ISL2: variants seen among roughly 807,000 people sequenced by gnomAD.
The protein encoded by ISL2 is ISL LIM homeobox 2, also known as insulin gene enhancer protein ISL-2.
In ISL2, 17 loss-of-function variants were observed where a neutral mutation model predicts 34.6. The ratio of observed to expected loss-of-function variants is 0.49; its 90% CI spans 0.34 to 0.74. ISL2 has a LOEUF of 0.74. ISL2 is among the 30% of genes least tolerant of loss of function. The pLI is 0.01. For missense variants in ISL2, 469 were observed against 515.2 expected (o/e 0.91, Z 0.87); for synonymous variants, 232 against 225.5 (o/e 1.03, Z -0.26).
At chr15:76,340,845 CTGGTGGGTTG>C (rs2040188002) in intron 4 of ISL2, among the ~76,000 whole-genome samples, 2 of 152,248 alleles carry the variant, frequency 1.3e-5, no homozygotes, top group Admixed American at 6.5e-5. Flanking sequence ...GCCAGTCGGG[CTGGTGGGTTG>C]TGCACTCCGT....
In ISL2 at chr15:76,337,083, GT is replaced by G. The variant is rs2040156215; in HGVS notation, c.58+143del. 8.2e-6 allele frequency: 6 copies of G among 729,910 alleles called. No individual in the cohort carries two copies. In the Admixed American group the frequency reaches 1.3e-4, roughly 16 times the overall value. 45.2% of individuals were successfully genotyped at this position (729,910 alleles called of 1,614,324 possible). On this transcript the variant is annotated intron_variant, in intron 1 of 5. Transcript: ENST00000290759. ...TTTAGGAGAGGAAAAACGAATGCAT[GT>G]CTCCTGCAGGACTGCTTATCTTTGG... is the stretch of plus-strand genomic sequence containing the variant.
intron 1 of ISL2, 127 bp downstream of exon 1, chr15:76,337,068 G>A: frequency 2.4e-6 from 2 of 825,402 alleles, no homozygotes; most frequent in South Asian, 1.5e-5. Flanking sequence ...TTTAGGAGAG[G>A]AAAAACGAAT....
At chr15:76,341,402 G>A (rs1222878619) in intron 5 of ISL2, 101 bp downstream of exon 5, 8 of 1,188,412 alleles carry the variant, frequency 6.7e-6, no homozygotes, top group African/African-American at 1.5e-5. Flanking sequence ...TGGGCTGAGG[G>A]GCTGGGTACA....
At chr15:76,338,579 C>A (rs2040170482) in intron 3 of ISL2, 65 bp downstream of exon 3, 4 of 1,265,240 alleles carry the variant, frequency 3.2e-6, no homozygotes, top group South Asian at 3.2e-5. Flanking sequence ...TGTAGGGGTA[C>A]GCTTGTGTCC....
intron 3 of ISL2, chr15:76,339,330 G>A: frequency 1.0e-6 from 1 of 984,074 alleles, no homozygotes. Context: ...TGGGCTGGAT[G>A]GGCTATTTGT....
intron 1 of ISL2, 29 bp from the exon 2 acceptor site, chr15:76,337,749 T>C: frequency 6.5e-7 from 1 of 1,535,618 alleles, no homozygotes; most frequent in Non-Finnish European, 8.8e-7. Context: ...CAGTCAGGCC[T>C]GACGCGGCCC....
intron 3 of ISL2, chr15:76,339,792 C>T (rs1386263291): frequency 1.0e-6 from 1 of 994,272 alleles, no homozygotes; most frequent in East Asian, 1.1e-4. Context: ...AGGGGAAGGG[C>T]CCTCGTAGGC....
intron 3 of ISL2, chr15:76,339,638 A>T: frequency 1.0e-6 from 1 of 985,572 alleles, no homozygotes; most frequent in Non-Finnish European, 1.2e-6. Context: ...TGGGCTGGGG[A>T]ACCTGGAGCC....
rs143659536 is a variant in ISL2, at chr15:76,340,059, G to A, written c.512-217G>A. On this transcript the variant is annotated intron_variant, in intron 3 of 5. Coordinates refer to ENST00000290759, the MANE Select transcript of ISL2 (RefSeq NM_145805.3). Reference sequence around the variant, plus strand: ...GCTTGAGCTCGGGAGAGATCGCTGCGGGGCAGTCCGGCCCGGGAGCGAGAG... The same window carrying A: ...GCTTGAGCTCGGGAGAGATCGCTGCAGGGCAGTCCGGCCCGGGAGCGAGAG... 1.8e-3 allele frequency: 2,471 copies of A among 1,384,484 alleles called. 32 individuals carry two copies. In the African/African-American group the frequency reaches 0.03, roughly 17 times the overall value. The allele number at this position is 1,384,484 out of a possible 1,614,324, so 85.8% of individuals were successfully genotyped here.
chr15:76,339,380 T>A, intron 3 of ISL2: 1 of 985,414 alleles, frequency 1.0e-6, no homozygotes, highest in Non-Finnish European at 1.2e-6. Flanking sequence ...GAGGGGAACA[T>A]AAACCGAAAT....
intron 5 of ISL2, 70 bp downstream of exon 5, chr15:76,341,371 A>G: frequency 8.3e-7 from 1 of 1,205,802 alleles, no homozygotes; most frequent in East Asian, 4.6e-5. Context: ...TTAGCCTGGC[A>G]GAGAGGGGAG....
At chr15:76,339,209 T>C (rs951672985) in intron 3 of ISL2, 2 of 985,272 alleles carry the variant, frequency 2.0e-6, no homozygotes, top group African/African-American at 1.7e-5. Context: ...CAGGTAGCCA[T>C]AGGCCTGCAG....
intron 1 of ISL2, among the ~76,000 whole-genome samples, chr15:76,337,150 A>G (rs2040156587): frequency 6.6e-6 from 1 of 151,592 alleles, no homozygotes; most frequent in African/African-American, 2.4e-5. Flanking sequence ...ACTATTTCTC[A>G]AGCCGGCTAG....
chr15:76,338,137 C>T (rs1186591893), intron 2 of ISL2, 115 bp from the exon 3 acceptor site: 20 of 1,400,606 alleles, frequency 1.4e-5, no homozygotes, highest in Non-Finnish European at 1.8e-5. Flanking sequence ...AGGCGGGTCA[C>T]CGCAGTCTCC....
chr15:76,339,880 C>T, intron 3 of ISL2: 1 of 1,030,724 alleles, frequency 9.7e-7, no homozygotes, highest in South Asian at 3.8e-5. Flanking sequence ...CTTTCCCTCT[C>T]CAGAGTCCTG....
At chr15:76,340,075 G>A (rs941025202) in intron 3 of ISL2, 8 of 1,401,356 alleles carry the variant, frequency 5.7e-6, no homozygotes, top group Non-Finnish European at 7.4e-6. Flanking sequence ...GTCCGGCCCG[G>A]GAGCGAGAGA....
At chr15:76,341,562 C>T (rs1032402637) in intron 5 of ISL2, among the ~76,000 whole-genome samples, 157 bp from the exon 6 acceptor site, 2 of 152,254 alleles carry the variant, frequency 1.3e-5, no homozygotes, top group South Asian at 2.1e-4. Flanking sequence ...TAATCCCCCC[C>T]TCGTGCGCCT....
intron 3 of ISL2, chr15:76,339,857 T>C (rs1350069899): frequency 9.9e-7 from 1 of 1,011,750 alleles, no homozygotes; most frequent in East Asian, 9.9e-5. Flanking sequence ...TCGCCCTGGG[T>C]CCACGTCGGT....
chr15:76,336,808 A>G lies in ISL2; in HGVS notation c.-76A>G, dbSNP rs987237009. The G allele has an allele frequency of 1.1e-5, 15 of 1,337,342 alleles. No individual in the cohort carries two copies. Among genetic ancestry groups the G allele is most frequent in the Non-Finnish European group, 1.5e-5 (14 of 929,492 alleles). 82.8% of individuals were successfully genotyped at this position (1,337,342 alleles called of 1,614,324 possible). ...CGCGGGGCAGTAGGAGTTAGTTAGCAAAGAGCCGAGGCCGGGCGCGCGACC... is the reference window on the plus strand; with the variant it reads ...CGCGGGGCAGTAGGAGTTAGTTAGCGAAGAGCCGAGGCCGGGCGCGCGACC... On this transcript the variant is annotated 5_prime_UTR_variant, in exon 1 of 6. Coordinates refer to ENST00000290759, the MANE Select transcript of ISL2 (RefSeq NM_145805.3).
Sources: gnomAD v4.1 joint callset for allele counts (sites outside exome capture counted in the v4.1 genomes callset) on GRCh38, gnomAD v4.1.1 for gene constraint, MANE v1.5 for transcripts, NCBI Gene and HGNC (gene_info 2026-07-23, HGNC 2026-07-21) for gene names.